The following PRKCB variants were observed in gnomAD, a reference collection of about 807,000 sequenced individuals.
PRKCB encodes the protein protein kinase C beta type.
In PRKCB, 13 loss-of-function variants were observed where a neutral mutation model predicts 81.5. The observed-to-expected ratio is 0.16, with a 90% CI of 0.10 to 0.25. PRKCB has a LOEUF of 0.25. Among genes scored for constraint, PRKCB ranks in the 10% least tolerant of loss-of-function variants. The pLI is 1.00. For synonymous variants in PRKCB, 335 were observed against 321.4 expected, an observed-to-expected ratio of 1.04 and a Z score of -0.45; for missense variants, 509 against 875.7, an observed-to-expected ratio of 0.58 and a Z score of 5.29.
intron 13 of PRKCB, among the ~76,000 whole-genome samples, chr16:24,184,676 G>A (rs927548465): frequency 2.0e-5 from 3 of 152,030 alleles, no homozygotes; most frequent in African/African-American, 7.3e-5. Context: ...TATTAAAATA[G>A]TGACAAATGT....
chr16:23,878,879 G>T (rs1025417062), intron 2 of PRKCB, among the ~76,000 whole-genome samples: 2 of 152,066 alleles, frequency 1.3e-5, no homozygotes, highest in African/African-American at 4.8e-5. Flanking sequence ...TCCTTAAGAG[G>T]CAATGTAGTG....
At chr16:23,964,831 C>A (rs1015132825) in intron 2 of PRKCB, among the ~76,000 whole-genome samples, 1 of 151,968 alleles carries the variant, frequency 6.6e-6, no homozygotes, top group Non-Finnish European at 1.5e-5. Context: ...CCCCTCTCCC[C>A]GCTAATTCTT....
At chr16:23,977,768 C>T (rs754700577) in intron 2 of PRKCB, among the ~76,000 whole-genome samples, 5 of 152,132 alleles carry the variant, frequency 3.3e-5, no homozygotes, top group Non-Finnish European at 7.3e-5. Context: ...GCTGGCCAGA[C>T]AGGGCTGTAA....
intron 2 of PRKCB, among the ~76,000 whole-genome samples, chr16:23,957,851 C>A (rs55998538): frequency 0.11 from 17,436 of 152,138 alleles, 1,168 homozygotes; most frequent in South Asian, 0.17. Context: ...CTTCAAATAC[C>A]AGCCCTCTGA....
chr16:23,902,315 A>G (rs1381304356), intron 2 of PRKCB, among the ~76,000 whole-genome samples: 1 of 152,220 alleles, frequency 6.6e-6, no homozygotes, highest in East Asian at 1.9e-4. Flanking sequence ...GATTTTTAGA[A>G]AAGTTGCAAA....
chr16:24,018,848 A>C (rs1429189809), intron 3 of PRKCB, among the ~76,000 whole-genome samples: 2 of 152,320 alleles, frequency 1.3e-5, no homozygotes, highest in South Asian at 4.1e-4. Flanking sequence ...CAAATGTGCC[A>C]TGCGTGTGTA....
intron 3 of PRKCB, among the ~76,000 whole-genome samples, chr16:23,994,538 T>C (rs1964931046): frequency 6.6e-6 from 1 of 152,202 alleles, no homozygotes. Context: ...CATCAATGAC[T>C]TGAAAGATGC....
Position 24,158,685 on chromosome 16 carries a change from G to T in PRKCB, c.1239+3828G>T, listed in dbSNP as rs889961381. Among the ~76,000 whole-genome samples, 10 of 151,850 alleles carry T rather than the reference G, an allele frequency of 6.6e-5. No homozygotes were observed. In the East Asian group the frequency reaches 1.5e-3, roughly 23 times the overall value. ...AAGTATATGTATTTTTAGAGACAGG[G>T]TCTTGCTCTGTGGCCCAGGCTTGAG... On this transcript the variant is annotated intron_variant, in intron 10 of 16. Coordinates refer to ENST00000643927, the MANE Select transcript of PRKCB (RefSeq NM_002738.7).
At chr16:24,100,175 A>G (rs1378088897) in intron 7 of PRKCB, among the ~76,000 whole-genome samples, 1 of 152,042 alleles carries the variant, frequency 6.6e-6, no homozygotes, top group African/African-American at 2.4e-5. Context: ...ATAAACTCCC[A>G]AAGAAAGGAG....
At chr16:24,041,053 A>AAT (rs1965690759) in intron 5 of PRKCB, among the ~76,000 whole-genome samples, 1 of 136,952 alleles carries the variant, frequency 7.3e-6, no homozygotes, top group Non-Finnish European at 1.6e-5. Flanking sequence ...TGCAACAATA[A>AAT]TTTTTTTTGT....
chr16:24,128,901 T>C (rs1202667184), intron 9 of PRKCB, among the ~76,000 whole-genome samples: 1 of 152,158 alleles, frequency 6.6e-6, no homozygotes, highest in Admixed American at 6.5e-5. Flanking sequence ...CTTTCAAGAA[T>C]TGAACTTTGA....
chr16:24,012,467 C>A (rs1157801951), intron 3 of PRKCB, among the ~76,000 whole-genome samples: 2 of 152,236 alleles, frequency 1.3e-5, no homozygotes, highest in Non-Finnish European at 2.9e-5. Context: ...CACTAACCCT[C>A]TCTGGACAAG....
chr16:24,210,929 G>C (rs1968129769), intron 16 of PRKCB, among the ~76,000 whole-genome samples: 1 of 152,180 alleles, frequency 6.6e-6, no homozygotes, highest in Admixed American at 6.5e-5. Flanking sequence ...CATGGATTTT[G>C]TATCATTTTC....
At chr16:24,103,992 A>T (rs968625088) in intron 7 of PRKCB, among the ~76,000 whole-genome samples, 1 of 152,042 alleles carries the variant, frequency 6.6e-6, no homozygotes, top group Non-Finnish European at 1.5e-5. Flanking sequence ...TTTAGTAGAG[A>T]TGGGGTTTCT....
intron 3 of PRKCB, among the ~76,000 whole-genome samples, chr16:24,027,888 G>A (rs900607858): frequency 9.9e-5 from 15 of 151,966 alleles, no homozygotes; most frequent in Admixed American, 2.0e-4. Context: ...TCCCACCTTG[G>A]CCTCCCTAGT....
intron 2 of PRKCB, among the ~76,000 whole-genome samples, chr16:23,916,830 G>T (rs1597244451): frequency 6.6e-6 from 1 of 152,040 alleles, no homozygotes; most frequent in East Asian, 1.9e-4. Flanking sequence ...TGTGATCTTG[G>T]CTCACTGCAG....
At chr16:24,002,313 ATGTG>A (rs928736552) in intron 3 of PRKCB, among the ~76,000 whole-genome samples, 72 of 133,642 alleles carry the variant, frequency 5.4e-4, no homozygotes, top group African/African-American at 1.8e-3. Flanking sequence ...GTGTGTGTGT[ATGTG>A]TGTGTGCGTG....
chr16:23,929,735 C>CT (rs1224115857), intron 2 of PRKCB, among the ~76,000 whole-genome samples: 3 of 151,998 alleles, frequency 2.0e-5, no homozygotes, highest in African/African-American at 7.2e-5. Context: ...GCACCAGTTT[C>CT]TTTTTGTAAG....
At chr16:23,978,252 G>A (rs1197738248) in intron 2 of PRKCB, among the ~76,000 whole-genome samples, 1 of 152,182 alleles carries the variant, frequency 6.6e-6, no homozygotes, top group Non-Finnish European at 1.5e-5. Flanking sequence ...AGTGTCCCTT[G>A]GAAGGGCATA....
Sources: gnomAD v4.1 joint callset for allele counts (sites outside exome capture counted in the v4.1 genomes callset) on GRCh38, gnomAD v4.1.1 for gene constraint, MANE v1.5 for transcripts, NCBI Gene and HGNC (gene_info 2026-07-23, HGNC 2026-07-21) for gene names.